The following IPP variants were observed in gnomAD, a reference collection of about 807,000 sequenced individuals.
IPP encodes actin-binding protein IPP.
IPP carries 41 observed loss-of-function variants against 64.1 expected under a neutral mutation model. The ratio of observed to expected loss-of-function variants is 0.64; its 90% CI spans 0.50 to 0.83. IPP has a LOEUF of 0.83. Ranked by LOEUF, IPP falls within the 40% of genes least tolerant of loss-of-function variation. IPP has a pLI of 0.00. For synonymous variants in IPP, 214 were observed against 235.2 expected (o/e 0.91, Z 0.83); for missense variants, 649 against 703.0 (o/e 0.92, Z 0.87).
intron 1 of IPP, among the ~76,000 whole-genome samples, chr1:45,750,026 C>T (rs1413933630): frequency 6.6e-6 from 1 of 151,942 alleles, no homozygotes; most frequent in Non-Finnish European, 1.5e-5. Context: ...GCATTCCAGC[C>T]TAGGAGAAGG....
chr1:45,697,597 A>C (rs566795898), downstream of IPP, among the ~76,000 whole-genome samples: 89 of 152,260 alleles, frequency 5.8e-4, no homozygotes, highest in African/African-American at 2.0e-3. Flanking sequence ...TCATTAATGC[A>C]ATTAAAAGTT....
At chr1:45,714,955 T>C (rs1163976272) in intron 7 of IPP, among the ~76,000 whole-genome samples, 1 of 152,046 alleles carries the variant, frequency 6.6e-6, no homozygotes, top group Non-Finnish European at 1.5e-5. Context: ...AGTACACAGC[T>C]GGGTGTAGTG....
At chr1:45,697,192 A>G (rs534229778), downstream of IPP, 2 of 152,362 alleles carry the variant, frequency 1.3e-5, no homozygotes, top group East Asian at 3.8e-4. Flanking sequence ...AACTTTTCCT[A>G]ATAAATGCAT....
chr1:45,735,781 C>CAACACACCAGGCCACCACACCAGGCT (rs1645972245), intron 3 of IPP, among the ~76,000 whole-genome samples: 1 of 42,620 alleles, frequency 2.3e-5, no homozygotes, highest in Non-Finnish European at 5.5e-5. Context: ...AGATGCGTGA[C>CAACACACCAGGCCACCACACCAGGCT]ACCACACCAG....
At chr1:45,719,866 C>G (rs934194877) in intron 5 of IPP, among the ~76,000 whole-genome samples, 1 of 149,412 alleles carries the variant, frequency 6.7e-6, no homozygotes, top group African/African-American at 2.5e-5. Flanking sequence ...GCTGGGACTA[C>G]AGGCGCCTGC....
At chr1:45,746,747 T>TA (rs987929945) in intron 1 of IPP, among the ~76,000 whole-genome samples, 5 of 151,150 alleles carry the variant, frequency 3.3e-5, no homozygotes, top group East Asian at 1.9e-4. Flanking sequence ...CTTGATGGAG[T>TA]AAAAAAAATA....
At chr1:45,694,815 A>G (rs1569929208), downstream of IPP, 1 of 217,828 alleles carries the variant, frequency 4.6e-6, no homozygotes, top group Admixed American at 5.6e-5. Context: ...TAAAGCCACT[A>G]GTACATATAA....
intron 8 of IPP, among the ~76,000 whole-genome samples, chr1:45,705,977 T>C (rs961724355): frequency 2.0e-5 from 3 of 152,090 alleles, no homozygotes; most frequent in South Asian, 2.1e-4. Context: ...CAGTGCATGA[T>C]AGTCAGCTGA....
At chr1:45,712,719 C>T (rs775099728) in intron 8 of IPP, among the ~76,000 whole-genome samples, 1 of 151,548 alleles carries the variant, frequency 6.6e-6, no homozygotes, top group South Asian at 2.1e-4. Context: ...ATTAGCCAGG[C>T]GTAGTGGCGG....
chr1:45,716,129 T>A (rs1645655946), intron 7 of IPP, among the ~76,000 whole-genome samples: 1 of 152,192 alleles, frequency 6.6e-6, no homozygotes, highest in Non-Finnish European at 1.5e-5. Context: ...GTATACCACT[T>A]TAATATGCAA....
At chr1:45,732,775 T>A (rs1462267164) in intron 3 of IPP, among the ~76,000 whole-genome samples, 1 of 152,076 alleles carries the variant, frequency 6.6e-6, no homozygotes, top group Non-Finnish European at 1.5e-5. Flanking sequence ...CACACCATTC[T>A]CCTGCCTCAG....
chr1:45,720,652 T>C (rs1383122189), intron 5 of IPP, among the ~76,000 whole-genome samples: 1 of 152,122 alleles, frequency 6.6e-6, no homozygotes, highest in Non-Finnish European at 1.5e-5. Flanking sequence ...AAGAAAGGGA[T>C]AGACAGAGAC....
At chr1:45,724,507 C>A (rs1301863259) in intron 5 of IPP, among the ~76,000 whole-genome samples, 1 of 149,634 alleles carries the variant, frequency 6.7e-6, no homozygotes, top group Admixed American at 6.6e-5. Flanking sequence ...CGTCTCTGCC[C>A]GGCCGCCATC....
In IPP at chr1:45,703,026, G is replaced by A. The variant is rs549104825; in HGVS notation, c.1531-2836C>T. Among the ~76,000 whole-genome samples the A allele has an allele frequency of 3.3e-5, 5 of 152,078 alleles. No individual in the cohort carries two copies. In the South Asian group the frequency reaches 1.0e-3, roughly 32 times the overall value. On this transcript the variant is annotated intron_variant, in intron 8 of 8. Transcript: ENST00000396478. ...TGGAGGTTCTAGCTAGGGTAATGAG[G>A]GGAAAACAATGAAAAAAAATGCATC... is the stretch of plus-strand genomic sequence containing the variant.
intron 5 of IPP, among the ~76,000 whole-genome samples, chr1:45,723,089 A>G (rs553879250): frequency 1.3e-5 from 2 of 152,350 alleles, no homozygotes; most frequent in Admixed American, 1.3e-4. Context: ...CCACTAAACT[A>G]TATTCTCTAA....
At chr1:45,707,745 C>A (rs1022547297) in intron 8 of IPP, among the ~76,000 whole-genome samples, 1 of 150,950 alleles carries the variant, frequency 6.6e-6, no homozygotes, top group South Asian at 2.1e-4. Context: ...GGTGGTCTTA[C>A]ATATATATAT....
chr1:45,716,934 C>A lies in IPP; in HGVS notation c.1270G>T (p.Ala424Ser). 6.2e-7 allele frequency: 1 copy of A among 1,612,326 alleles called. No homozygotes were observed. Among genetic ancestry groups the A allele is most frequent in the Non-Finnish European group, 8.5e-7 (1 of 1,178,714 alleles). The change falls in exon 7 of 9, where the codon GCT (alanine) becomes TCT (serine). Residue 424 changes from alanine to serine, a missense_variant. By Grantham distance (99) the Ala-to-Ser change is moderately conservative. Transcript: ENST00000396478. ...CACCCAAAGTAGTAGCGTGACACAG[C>A]CATGTTACCAACTACTTCCCATTTA... is the stretch of plus-strand genomic sequence containing the variant. ...ENKWEVVGNM[A>S]VSRYYFGCCE...
chr1:45,712,878 A>AAAAATATATATATATATAT (rs1553189324), intron 8 of IPP, among the ~76,000 whole-genome samples: 1 of 138,656 alleles, frequency 7.2e-6, no homozygotes, highest in East Asian at 2.1e-4. Context: ...AAAAAAAAAA[A>AAAAATATATATATATATAT]ATATATATAT....
intron 2 of IPP, 118 bp from the exon 3 acceptor site, chr1:45,741,450 A>C: frequency 1.5e-6 from 1 of 676,736 alleles, no homozygotes; most frequent in South Asian, 2.1e-5. Flanking sequence ...GTAGACAGAC[A>C]CTAAAAAAGG....
Sources: gnomAD v4.1 joint callset for allele counts (sites outside exome capture counted in the v4.1 genomes callset) on GRCh38, gnomAD v4.1.1 for gene constraint, MANE v1.5 for transcripts, NCBI Gene and HGNC (gene_info 2026-07-23, HGNC 2026-07-21) for gene names.